RTN4: variants seen among roughly 807,000 people sequenced by gnomAD.
RTN4 encodes reticulon 4.
In RTN4, 32 loss-of-function variants were observed where a neutral mutation model predicts 90.4. That is an observed-to-expected ratio of 0.35 (90% CI 0.27 to 0.48). The LOEUF is 0.48. Among genes scored for constraint, RTN4 ranks in the 20% least tolerant of loss-of-function variants. The pLI is 0.99. For missense variants in RTN4, 1,706 were observed against 1,430.2 expected, an observed-to-expected ratio of 1.19 and a Z score of -3.11; for synonymous variants, 629 against 552.5, an observed-to-expected ratio of 1.14 and a Z score of -1.94.
At chr2:55,124,190 T>C in the RTN4 span, among the ~76,000 whole-genome samples, 2 of 152,210 alleles carry the variant, frequency 1.3e-5, no homozygotes, top group African/African-American at 4.8e-5. Context: ...CTTCATTCTT[T>C]TGGGGACACA....
chr2:55,045,242 T>C (rs1476854609), intron 1 of RTN4, among the ~76,000 whole-genome samples: 2 of 152,244 alleles, frequency 1.3e-5, no homozygotes, highest in East Asian at 1.9e-4. Context: ...CTGAAACTGA[T>C]TTAATAAGCA....
chr2:55,066,264 G>T (rs1347344492), intron 2 of RTN4, among the ~76,000 whole-genome samples: 1 of 151,914 alleles, frequency 6.6e-6, no homozygotes, highest in Non-Finnish European at 1.5e-5. Flanking sequence ...TGCATGGGCA[G>T]TTCCTGGAAG....
At chr2:54,987,319 G>A (rs769366044) in intron 4 of RTN4, among the ~76,000 whole-genome samples, 172 bp downstream of exon 4, 5 of 152,152 alleles carry the variant, frequency 3.3e-5, no homozygotes, top group African/African-American at 7.2e-5. Context: ...CCTTTAAAAC[G>A]ACTTTTAGAA....
intron 1 of RTN4, among the ~76,000 whole-genome samples, chr2:55,089,673 A>T (rs76585102): frequency 6.6e-6 from 1 of 152,332 alleles, no homozygotes; most frequent in Non-Finnish European, 1.5e-5. Context: ...TCTAGTCGTC[A>T]TTTCCCAAAT....
intron 5 of RTN4, among the ~76,000 whole-genome samples, chr2:54,978,431 CAAAAAAA>C (rs10718270): frequency 1.2e-5 from 1 of 81,124 alleles, no homozygotes; most frequent in African/African-American, 4.5e-5. Context: ...ACTCTATCTC[CAAAAAAA>C]AAAAAAAAAA....
chr2:55,087,613 G>T lies in RTN4; in HGVS notation c.-213-6974C>A. On this transcript the variant is annotated intron_variant, in intron 1 of 3. Coordinates refer to the RTN4 transcript ENST00000427710. The stretch of plus-strand genomic sequence containing the variant: ...AATCTTGTTGATGGCCACTCAGCTT[G>T]TTTCCATTTTTTCATGATTATAAAT... Among the ~76,000 whole-genome samples the T allele has an allele frequency of 1.3e-5, 2 of 151,982 alleles. 1 individual carries two copies. The highest frequency in any genetic ancestry group is 1.3e-4 in the Admixed American group (2 of 15,236).
At position 55,077,009 on chromosome 2, in the gene RTN4, G is replaced by C. The variant is rs950271938; in HGVS notation, c.-63+3480C>G. Among the ~76,000 whole-genome samples, 10 of 76,684 alleles carry C rather than the reference G, an allele frequency of 1.3e-4. No homozygotes were observed. In the Admixed American group the frequency reaches 1.9e-3, roughly 15 times the overall value. The allele number at this position is 76,684 out of a possible 152,430, so 50.3% of individuals were successfully genotyped here. ...TTTATAAATTGCCCAGTCTCAGGCA[G>C]TTCTTTTTTTTTTTTTTTTGAGACG... is the stretch of plus-strand genomic sequence containing the variant. On this transcript the variant is annotated intron_variant, in intron 2 of 3. Coordinates refer to the RTN4 transcript ENST00000427710.
At chr2:55,030,715 A>G (rs959614660) in intron 1 of RTN4, among the ~76,000 whole-genome samples, 2 of 152,320 alleles carry the variant, frequency 1.3e-5, no homozygotes, top group South Asian at 4.1e-4. Flanking sequence ...TTTGTGCTTT[A>G]TAATTATTAT....
At chr2:55,028,375 T>C (rs1305814614) in intron 1 of RTN4, among the ~76,000 whole-genome samples, 155 bp from the exon 2 acceptor site, 1 of 152,204 alleles carries the variant, frequency 6.6e-6, no homozygotes, top group Non-Finnish European at 1.5e-5. Context: ...GAAAAAGTAG[T>C]ACCATTAATT....
rs766864936 is a variant in RTN4 at position 54,973,206 on chromosome 2, T to G, written c.3537-8A>C. ...GGGATTTTTGCTTGGATTCTGAAAATGAAAAAGTCAATGTAAATATCAGTT... is the reference window on the plus strand; with the variant it reads ...GGGATTTTTGCTTGGATTCTGAAAAGGAAAAAGTCAATGTAAATATCAGTT... On this transcript the variant is annotated splice_polypyrimidine_tract_variant and splice_region_variant and intron_variant, in intron 8 of 8. Coordinates refer to ENST00000337526, the MANE Select transcript of RTN4 (RefSeq NM_020532.5). 1.4e-5 allele frequency: 22 copies of G among 1,601,180 alleles called. No individual in the cohort carries two copies. Among genetic ancestry groups the G allele is most frequent in the Non-Finnish European group, 1.8e-5 (21 of 1,169,752 alleles).
chr2:55,027,453 T>A lies in RTN4; in HGVS notation c.646A>T (p.Thr216Ser), dbSNP rs1213364747. 1.2e-6 allele frequency: 2 copies of A among 1,611,624 alleles called. No individual in the cohort carries two copies. Among genetic ancestry groups the A allele is most frequent in the African/African-American group, 2.7e-5 (2 of 74,786 alleles). ...NMDLKEQPGN[T>S]ISAGQEDFPS... The stretch of plus-strand genomic sequence containing the variant: ...AAATCCTCTTGACCAGCCGAAATAG[T>A]GTTACCTGGCTGCTCCTTCAAGTCC... Residue 216 changes from threonine to serine, a missense_variant, in exon 3 of 9, where the codon ACT (threonine) becomes TCT (serine). Coordinates refer to ENST00000337526, the MANE Select transcript of RTN4 (RefSeq NM_020532.5).
At chr2:54,978,297 G>A (rs946647461) in intron 5 of RTN4, among the ~76,000 whole-genome samples, 4 of 152,070 alleles carry the variant, frequency 2.6e-5, no homozygotes. Context: ...GGGCGTGGTG[G>A]CGGACACCTG....
upstream of RTN4, among the ~76,000 whole-genome samples, chr2:55,052,096 G>A (rs1221989760): frequency 2.0e-5 from 3 of 152,176 alleles, no homozygotes; most frequent in Admixed American, 6.5e-5. Flanking sequence ...GAAGATTTTG[G>A]GGGCAGTGAA....
intron 1 of RTN4, among the ~76,000 whole-genome samples, chr2:55,047,794 T>C (rs1419985765): frequency 6.6e-6 from 1 of 152,164 alleles, no homozygotes; most frequent in Non-Finnish European, 1.5e-5. Context: ...AACGTGATTT[T>C]TTTCGCTTCC....
At chr2:55,109,154 TG>T (rs957390604) in intron 1 of RTN4, among the ~76,000 whole-genome samples, 15 of 151,816 alleles carry the variant, frequency 9.9e-5, no homozygotes, top group African/African-American at 3.6e-4. Context: ...AATACTGAAA[TG>T]AAAAAAACAG....
At chr2:55,077,016 T>G (rs1265864603) in intron 2 of RTN4, among the ~76,000 whole-genome samples, 1 of 92,104 alleles carries the variant, frequency 1.1e-5, no homozygotes, top group Non-Finnish European at 1.9e-5. Context: ...GCAGTTCTTT[T>G]TTTTTTTTTT....
At position 54,973,018 on chromosome 2, in the gene RTN4, T is replaced by C. The variant is rs1484343863; in HGVS notation, c.*138A>G. The C allele has an allele frequency of 4.6e-6, 3 of 651,626 alleles. No homozygotes were observed. The highest frequency in any genetic ancestry group is 1.8e-5 in the African/African-American group (1 of 55,334). 40.4% of individuals were successfully genotyped at this position (651,626 alleles called of 1,614,324 possible). On this transcript the variant is annotated 3_prime_UTR_variant, in exon 9 of 9. Coordinates refer to ENST00000337526, the MANE Select transcript of RTN4 (RefSeq NM_020532.5). ...GGTAATTTTTCCTCACAACAGTGCA[T>C]GGCTAAAAATAAAGATCTAACAACG...
At chr2:55,003,082 C>T (rs1679960154) in intron 3 of RTN4, among the ~76,000 whole-genome samples, 1 of 152,074 alleles carries the variant, frequency 6.6e-6, no homozygotes, top group South Asian at 2.1e-4. Flanking sequence ...ACATACTGTC[C>T]CGTAACTCTA....
At chr2:55,059,660 C>G (rs531079414) in intron 2 of RTN4, among the ~76,000 whole-genome samples, 3 of 151,982 alleles carry the variant, frequency 2.0e-5, no homozygotes, top group African/African-American at 7.2e-5. Flanking sequence ...ATGGTGAAAC[C>G]CTGTCTCTAC....
Sources: allele counts gnomAD v4.1 joint callset (sites outside exome capture counted in the v4.1 genomes callset), GRCh38; gene constraint gnomAD v4.1.1; transcripts MANE v1.5; gene names NCBI Gene and HGNC (gene_info 2026-07-23, HGNC 2026-07-21).